MYLK4: variants seen among roughly 807,000 people sequenced by gnomAD.
MYLK4 encodes caMLCK like.
A neutral mutation model predicts 48.1 loss-of-function variants in MYLK4; 46 were observed. The ratio of observed to expected loss-of-function variants is 0.96; its 90% CI spans 0.75 to 1.22. The LOEUF (loss-of-function observed/expected upper bound fraction) is 1.22. MYLK4 is among the 50% of genes most tolerant of loss of function. The pLI is 0.00. For missense variants in MYLK4, 451 were observed against 486.1 expected, an observed-to-expected ratio of 0.93 and a Z score of 0.68; for synonymous variants, 170 against 180.8, an observed-to-expected ratio of 0.94 and a Z score of 0.48.
rs773713096 is a variant in MYLK4 at position 2,675,077 on chromosome 6, G to T, written c.1089C>A (p.Asp363Glu). 2 of 1,613,958 alleles carry T rather than the reference G, an allele frequency of 1.2e-6. No individual in the cohort carries two copies. The highest frequency in any genetic ancestry group is 2.2e-5 in the South Asian group (2 of 91,074). The part of the protein sequence containing the change: ...SEALKHPWLS[D>E]HKLHSRLNAQ... Reference sequence around the variant, plus strand: ...CATTGAGTCTGGAGTGGAGCTTGTGGTCTGACAACCAGGGGTGCTTGAGAG... The same window carrying T: ...CATTGAGTCTGGAGTGGAGCTTGTGTTCTGACAACCAGGGGTGCTTGAGAG... The change falls in exon 11 of 13, where the codon GAC becomes GAA. Residue 363 changes from aspartate (D) to glutamate (E), a missense_variant. By Grantham distance (45) the Asp-to-Glu change is conservative (BLOSUM62 2). Coordinates refer to ENST00000274643, the MANE Select transcript of MYLK4 (RefSeq NM_001012418.5).
chr6:2,768,323 A>T, the MYLK4 span, among the ~76,000 whole-genome samples: 2 of 152,028 alleles, frequency 1.3e-5, no homozygotes. Flanking sequence ...CGGCTAGAGG[A>T]GGGAGAATTT....
At chr6:2,701,301 T>C (rs1264279800) in intron 2 of MYLK4, among the ~76,000 whole-genome samples, 2 of 152,108 alleles carry the variant, frequency 1.3e-5, no homozygotes, top group Non-Finnish European at 2.9e-5. Flanking sequence ...TCATCTCCTG[T>C]CTCCCACTCT....
intron 2 of MYLK4, chr6:2,744,204 G>A (rs533458487): frequency 6.3e-4 from 250 of 394,592 alleles, no homozygotes; most frequent in African/African-American, 4.6e-3. Flanking sequence ...CTCCAGTTAC[G>A]TGATCAGCAA....
At chr6:2,761,026 A>C in the MYLK4 span, among the ~76,000 whole-genome samples, 17 of 152,200 alleles carry the variant, frequency 1.1e-4, no homozygotes, top group Non-Finnish European at 2.2e-4. Context: ...TCAACTGTCC[A>C]GCATACCTTA....
rs34953021 is a variant in MYLK4 at position 2,685,541 on chromosome 6, G to C, written c.377C>G (p.Thr126Arg). The C allele has an allele frequency of 1.2e-6, 2 of 1,613,842 alleles. No individual in the cohort carries two copies. Among genetic ancestry groups the C allele is most frequent in the African/African-American group, 1.3e-5 (1 of 74,884 alleles). The change falls in exon 5 of 13, where the codon ACG becomes AGG. Residue 126 changes from threonine to arginine, a missense_variant. Thr to Arg is a moderately conservative substitution (Grantham distance 71). Coordinates refer to ENST00000274643, the MANE Select transcript of MYLK4 (RefSeq NM_001012418.5). This position sits in a 1 kb window ranked among gnomAD's most constrained non-coding sequence, Gnocchi z 4.5. ...RFGQVHKCEE[T>R]ATGLKLAAKI... Reference sequence around the variant, plus strand: ...GGCTGCCAGCTTCAGACCTGTGGCCGTCTCCTCACACTTGTGAACCTGGCC... The same window carrying C: ...GGCTGCCAGCTTCAGACCTGTGGCCCTCTCCTCACACTTGTGAACCTGGCC...
intron 3 of MYLK4, among the ~76,000 whole-genome samples, chr6:2,690,008 G>T (rs1295540164): frequency 6.6e-6 from 1 of 152,126 alleles, no homozygotes; most frequent in African/African-American, 2.4e-5. Context: ...ATTAATAGAG[G>T]GAGTTAAATA....
chr6:2,698,467 G>A lies in MYLK4; in HGVS notation c.160-5608C>T, dbSNP rs538080351. On this transcript the variant is annotated intron_variant, in intron 2 of 12. Coordinates refer to ENST00000274643, the MANE Select transcript of MYLK4 (RefSeq NM_001012418.5). ...ATAAATCTGACCAGTCCTGGGCTCC[G>A]CAGAGTCTTTTCTTGCTAGCAGAGG... Among the ~76,000 whole-genome samples, 348 of 152,336 alleles carry A rather than the reference G, an allele frequency of 2.3e-3. 2 individuals are homozygous for A. Among genetic ancestry groups the A allele is most frequent in the Non-Finnish European group, 4.0e-3 (269 of 68,022 alleles).
chr6:2,762,420 A>G, the MYLK4 span, among the ~76,000 whole-genome samples: 1 of 152,226 alleles, frequency 6.6e-6, no homozygotes, highest in Admixed American at 6.5e-5. Context: ...TGAAAAAAGA[A>G]ATTTTAGGCC....
At position 2,680,263 on chromosome 6, in the gene MYLK4, TC is replaced by T. The variant is rs1761241554; in HGVS notation, c.715del (p.Asp239MetfsTer5). On this transcript the variant is annotated frameshift_variant, in exon 8 of 13. Transcript: ENST00000274643. LOFTEE classifies it high-confidence loss of function. The part of the protein sequence containing the change: ...KPENILCVNR[D>X]AKQIKIIDFG... ...ATCAATAATTTTTATTTGCTTAGCA[TC>T]CCGATTCACACACAGGATATTCTCA... 1 of 1,614,092 alleles carries T rather than the reference TC, an allele frequency of 6.2e-7. No homozygotes were observed. Among genetic ancestry groups the T allele is most frequent in the African/African-American group, 1.3e-5 (1 of 74,940 alleles).
chr6:2,681,636 T>A (rs1241803202), intron 7 of MYLK4, among the ~76,000 whole-genome samples: 2 of 152,212 alleles, frequency 1.3e-5, no homozygotes, highest in Non-Finnish European at 1.5e-5. Context: ...AGACTGTTTG[T>A]AAGTCACCTA....
At chr6:2,720,336 A>G (rs1763024630) in intron 2 of MYLK4, among the ~76,000 whole-genome samples, 1 of 152,040 alleles carries the variant, frequency 6.6e-6, no homozygotes, top group Non-Finnish European at 1.5e-5. Flanking sequence ...CCCGGGAGGC[A>G]GAGGTTGCAG....
chr6:2,704,359 G>A (rs955198009), intron 2 of MYLK4, among the ~76,000 whole-genome samples: 1 of 152,130 alleles, frequency 6.6e-6, no homozygotes, highest in Non-Finnish European at 1.5e-5. Context: ...CTGTTGTCCT[G>A]GACCTCTGGA....
Position 2,685,593 on chromosome 6 carries a change from G to T in MYLK4, c.342-17C>A. On this transcript the variant is annotated splice_polypyrimidine_tract_variant and intron_variant, in intron 4 of 12. Transcript: ENST00000274643. The surrounding 1 kb of genome is among the most constrained non-coding windows in gnomAD (Gnocchi z 4.5). ...AAACGCCCTCTGCCAAAAAGAGGAA[G>T]CGGCGTAGCATGAGGCCCTGTGGTC... 1.2e-6 allele frequency: 2 copies of T among 1,613,536 alleles called. No homozygotes were observed. Among genetic ancestry groups the T allele is most frequent in the Non-Finnish European group, 1.7e-6 (2 of 1,179,626 alleles).
rs187461170 is a variant in MYLK4, at chr6:2,665,813, C to G, written c.*2112G>C. ...TGAATGCCAGCTCTCTGCGGTCTAACTAAGTATTAATGCATGCACTGGCTT... is the reference window on the plus strand; with the variant it reads ...TGAATGCCAGCTCTCTGCGGTCTAAGTAAGTATTAATGCATGCACTGGCTT... On this transcript the variant is annotated 3_prime_UTR_variant, in exon 13 of 13. Transcript: ENST00000274643. 1 of 152,264 alleles carries G rather than the reference C, an allele frequency of 6.6e-6. No homozygotes were observed. The highest frequency in any genetic ancestry group is 2.4e-5 in the African/African-American group (1 of 41,566). The allele number at this position is 152,264 out of a possible 1,614,324, so 9.4% of individuals were successfully genotyped here.
chr6:2,733,313 A>G (rs1455776209), intron 2 of MYLK4, among the ~76,000 whole-genome samples: 1 of 152,224 alleles, frequency 6.6e-6, no homozygotes, highest in African/African-American at 2.4e-5. Flanking sequence ...GCTGATGCAA[A>G]GGCAGAAGAG....
chr6:2,741,421 A>C (rs4382335), intron 2 of MYLK4, among the ~76,000 whole-genome samples: 2 of 152,092 alleles, frequency 1.3e-5, no homozygotes, highest in Non-Finnish European at 2.9e-5. Flanking sequence ...GCATAAAACT[A>C]TCATAATTTT....
At chr6:2,748,117 C>T (rs1764162439) in intron 2 of MYLK4, among the ~76,000 whole-genome samples, 1 of 152,194 alleles carries the variant, frequency 6.6e-6, no homozygotes, top group South Asian at 2.1e-4. Context: ...AGAACAGTAG[C>T]TGGGCAAAGA....
intron 2 of MYLK4, among the ~76,000 whole-genome samples, chr6:2,722,932 A>G (rs560785361): frequency 6.6e-6 from 1 of 152,310 alleles, no homozygotes; most frequent in East Asian, 1.9e-4. Flanking sequence ...AACCTATTGT[A>G]TCACCTTAAT....
chr6:2,759,764 G>A, the MYLK4 span, among the ~76,000 whole-genome samples: 1 of 152,132 alleles, frequency 6.6e-6, no homozygotes, highest in Non-Finnish European at 1.5e-5. Context: ...GTGCTGGTTT[G>A]AGGGCAAAAA....
Sources: gnomAD v4.1 joint callset for allele counts (sites outside exome capture counted in the v4.1 genomes callset) on GRCh38, gnomAD v4.1.1 for gene constraint, Gnocchi (gnomAD v3.1) non-coding constraint, MANE v1.5 for transcripts, NCBI Gene and HGNC (gene_info 2026-07-23, HGNC 2026-07-21) for gene names.